VAC14: variants seen among roughly 807,000 people sequenced by gnomAD.
VAC14 encodes the protein VAC14 component of PIKFYVE complex.
VAC14 carries 47 observed loss-of-function variants against 85.3 expected under a neutral mutation model. The observed-to-expected ratio is 0.55, with a 90% CI of 0.44 to 0.70. VAC14 has a LOEUF of 0.70. Ranked by LOEUF, VAC14 falls within the 30% of genes least tolerant of loss-of-function variation. VAC14 has a pLI of 0.00. For synonymous variants in VAC14, 447 were observed against 430.5 expected (o/e 1.04, Z -0.47); for missense variants, 861 against 1,004.3 (o/e 0.86, Z 1.93).
At chr16:70,753,300 C>T (rs2031550896) in intron 12 of VAC14, among the ~76,000 whole-genome samples, 1 of 152,200 alleles carries the variant, frequency 6.6e-6, no homozygotes, top group South Asian at 2.1e-4. Flanking sequence ...TCCTCTACAT[C>T]TCTGGGCTCA....
intron 14 of VAC14, among the ~76,000 whole-genome samples, chr16:70,717,249 G>C (rs1005464863): frequency 6.6e-6 from 1 of 152,222 alleles, no homozygotes; most frequent in African/African-American, 2.4e-5. Context: ...CTGAAGGCTG[G>C]GGTGCCGAGA....
intron 18 of VAC14, chr16:70,689,155 C>G: frequency 1.0e-6 from 1 of 976,556 alleles, no homozygotes; most frequent in Non-Finnish European, 1.2e-6. Flanking sequence ...AGCGGTGTGA[C>G]TTGAGCATGT....
chr16:70,741,273 G>A (rs2030273181), intron 13 of VAC14, among the ~76,000 whole-genome samples: 1 of 152,280 alleles, frequency 6.6e-6, no homozygotes, highest in South Asian at 2.1e-4. Context: ...CTGAGAAGCA[G>A]TCTGGGAAGG....
At position 70,695,445 on chromosome 16, in the gene VAC14, C is replaced by A; in HGVS notation, c.2035+99G>T. 5 of 1,268,100 alleles carry A rather than the reference C, an allele frequency of 3.9e-6. No homozygotes were observed. In the South Asian group the frequency reaches 5.1e-5, roughly 13 times the overall value. The allele number at this position is 1,268,100 out of a possible 1,614,324, so 78.6% of individuals were successfully genotyped here. ...CCTGGGGTGACTGCTCTTCCTCCCT[C>A]CCCAGCCAAAAGAGACCAACTGGAG... is the stretch of plus-strand genomic sequence containing the variant. On this transcript the variant is annotated intron_variant, in intron 17 of 18. Transcript: ENST00000261776.
chr16:70,752,849 C>T (rs180968434), intron 12 of VAC14, among the ~76,000 whole-genome samples: 42 of 152,332 alleles, frequency 2.8e-4, no homozygotes, highest in African/African-American at 7.5e-4. Context: ...TCTCAGAGGA[C>T]GCTTCTGAGC....
At chr16:70,766,899 G>T (rs529549666) in intron 10 of VAC14, among the ~76,000 whole-genome samples, 2 of 152,152 alleles carry the variant, frequency 1.3e-5, no homozygotes, top group Non-Finnish European at 2.9e-5. Flanking sequence ...CTTCCTAGAG[G>T]GCACACTGCA....
chr16:70,692,905 A>G lies in VAC14; in HGVS notation c.2102T>C (p.Leu701Pro). The G allele has an allele frequency of 6.2e-7, 1 of 1,609,898 alleles. No individual in the cohort carries two copies. Among genetic ancestry groups the G allele is most frequent in the Non-Finnish European group, 8.5e-7 (1 of 1,178,996 alleles). ...PYLIKALYGL[L>P]MLLPQSSAFQ... is the part of the protein sequence containing the mutation. Reference sequence around the variant, plus strand: ...GGCGCTGCTCTGCGGCAGGAGCATGAGCAGGCCGTAGAGGGCCTTGATCAG... The same window carrying G: ...GGCGCTGCTCTGCGGCAGGAGCATGGGCAGGCCGTAGAGGGCCTTGATCAG... The change falls in exon 18 of 19, where the codon CTC (leucine) becomes CCC (proline). Residue 701 changes from leucine (L) to proline (P), a missense_variant. By Grantham distance (98) the Leu-to-Pro change is moderately conservative. Transcript: ENST00000261776.
Position 70,752,537 on chromosome 16 carries a change from C to A in VAC14, c.1372-7958G>T, listed in dbSNP as rs2031469266. 2.6e-5 allele frequency among the ~76,000 whole-genome samples: 4 copies of A among 152,350 alleles called. No homozygotes were observed. The South Asian group carries it at 8.3e-4, about 32-fold the overall frequency. ...TGGGCAGGGAACGGGGTGGTGCCTG[C>A]TGCACTGAGAGCAGCACGAGAGTGG... On this transcript the variant is annotated intron_variant, in intron 12 of 18. Transcript: ENST00000261776.
Position 70,784,232 on chromosome 16 carries a change from A to G in VAC14, c.487-12T>C. On this transcript the variant is annotated splice_polypyrimidine_tract_variant and intron_variant, in intron 4 of 18. Transcript: ENST00000261776. ...TCAGTCACAATGTCCTGTGGATCAGAGGAAAGTGAGCTGCCGAGAGCCCGA... is the reference window on the plus strand; with the variant it reads ...TCAGTCACAATGTCCTGTGGATCAGGGGAAAGTGAGCTGCCGAGAGCCCGA... 6.2e-7 allele frequency: 1 copy of G among 1,611,878 alleles called. No homozygotes were observed. Among genetic ancestry groups the G allele is most frequent in the Non-Finnish European group, 8.5e-7 (1 of 1,178,064 alleles).
At chr16:70,744,731 T>A in intron 12 of VAC14, 152 bp from the exon 13 acceptor site, 2 of 833,970 alleles carry the variant, frequency 2.4e-6, no homozygotes, top group South Asian at 4.0e-5. Context: ...AGGCCACAGC[T>A]GGGGCATGCT....
At chr16:70,692,762 C>G in intron 18 of VAC14, 59 bp downstream of exon 18, 1 of 1,555,448 alleles carries the variant, frequency 6.4e-7, no homozygotes, top group East Asian at 2.3e-5. Context: ...CCTCACCAGG[C>G]TCCTCTGGGC....
chr16:70,763,145 G>A, intron 10 of VAC14, 120 bp from the exon 11 acceptor site: 1 of 1,409,286 alleles, frequency 7.1e-7, no homozygotes, highest in Non-Finnish European at 9.6e-7. Context: ...CACCGTCTAG[G>A]GGGATCGGGG....
chr16:70,691,442 A>G (rs1172004815), intron 18 of VAC14: 1 of 985,236 alleles, frequency 1.0e-6, no homozygotes, highest in Non-Finnish European at 1.2e-6. Flanking sequence ...TGGGCCAGCA[A>G]GGCCCGGTGT....
intron 1 of VAC14, among the ~76,000 whole-genome samples, chr16:70,793,146 C>G (rs1222026849): frequency 6.6e-6 from 1 of 152,220 alleles, no homozygotes; most frequent in Non-Finnish European, 1.5e-5. Flanking sequence ...TCTCTATACA[C>G]TTTCACACAG....
At chr16:70,778,823 C>A (rs1227189280) in intron 9 of VAC14, 2 of 152,130 alleles carry the variant, frequency 1.3e-5, no homozygotes, top group Non-Finnish European at 2.9e-5. Flanking sequence ...TTGCATTTTT[C>A]TCTACTTTCC....
At chr16:70,696,881 T>C (rs1597851547) in intron 16 of VAC14, 1 of 426,928 alleles carries the variant, frequency 2.3e-6, no homozygotes, top group East Asian at 5.2e-5. Flanking sequence ...GCCTACTCAG[T>C]CCCAATCCCA....
chr16:70,773,185 G>C (rs1196848967), intron 9 of VAC14: 1 of 152,154 alleles, frequency 6.6e-6, no homozygotes, highest in Non-Finnish European at 1.5e-5. Context: ...TCACTGAATT[G>C]TACACTTGAT....
chr16:70,799,714 T>C (rs1160262386), intron 1 of VAC14, among the ~76,000 whole-genome samples: 2 of 152,172 alleles, frequency 1.3e-5, no homozygotes, highest in Non-Finnish European at 2.9e-5. Flanking sequence ...GTGCAGAGGC[T>C]GAGAAACCCT....
At chr16:70,768,843 C>T in intron 10 of VAC14, 1 of 453,696 alleles carries the variant, frequency 2.2e-6, no homozygotes, top group South Asian at 1.6e-5. Flanking sequence ...CTCTGTCACC[C>T]AGGCTAGAGT....
Sources: allele counts gnomAD v4.1 joint callset (sites outside exome capture counted in the v4.1 genomes callset), GRCh38; gene constraint gnomAD v4.1.1; transcripts MANE v1.5; gene names NCBI Gene and HGNC (gene_info 2026-07-23, HGNC 2026-07-21).